Variants in APLP1 observed in about 807,000 individuals in gnomAD.
APLP1 encodes amyloid beta precursor like protein 1, also known as amyloid beta (A4) precursor-like protein 1.
A neutral mutation model predicts 84.5 loss-of-function variants in APLP1; 46 were observed. That is an observed-to-expected ratio of 0.54 (90% CI 0.43 to 0.70). The LOEUF is 0.70. Among genes scored for constraint, APLP1 ranks in the 30% least tolerant of loss-of-function variants. The pLI, the probability that APLP1 is intolerant of heterozygous loss-of-function variation, is 0.00. For synonymous variants in APLP1, 376 were observed against 364.0 expected (o/e 1.03, Z -0.38); for missense variants, 826 against 900.2 (o/e 0.92, Z 1.05).
intron 11 of APLP1, among the ~76,000 whole-genome samples, chr19:35,877,114 T>C (rs1305356806): frequency 6.6e-6 from 1 of 152,202 alleles, no homozygotes; most frequent in Non-Finnish European, 1.5e-5. Flanking sequence ...TACCGGAAAG[T>C]GTGACCTATT....
chr19:35,877,978 C>A, intron 12 of APLP1, 104 bp from the exon 13 acceptor site: 2 of 1,390,320 alleles, frequency 1.4e-6, no homozygotes, highest in South Asian at 1.3e-5. Context: ...TCTGTAGGAT[C>A]CCCAATCCTC....
rs751820034 is a variant in APLP1 at position 35,874,585 on chromosome 19, G to T, written c.1138G>T (p.Val380Phe). Residue 380 changes from valine to phenylalanine, a missense_variant, in exon 9 of 17, where the codon GTC (valine) becomes TTC (phenylalanine). Transcript: ENST00000221891. The surrounding 1 kb of genome is among the most constrained non-coding windows in gnomAD (Gnocchi z 6.4). ...QRLVETHATR[V>F]IALINDQRRA... ...CCTGGTGGAAACCCACGCCACCCGC[G>T]TCATCGCCCTTATCAACGACCAGCG... is the stretch of plus-strand genomic sequence containing the variant. 4 of 1,614,170 alleles carry T rather than the reference G, an allele frequency of 2.5e-6. No homozygotes were observed. Among genetic ancestry groups the T allele is most frequent in the Non-Finnish European group, 2.5e-6 (3 of 1,180,050 alleles).
chr19:35,878,614 A>G lies in APLP1; in HGVS notation c.1610A>G (p.Glu537Gly). Residue 537 changes from glutamate to glycine, a missense_variant, in exon 14 of 17, where the codon GAG becomes GGG. Glu to Gly is a moderately conservative substitution (Grantham distance 98, BLOSUM62 -2). Around this residue, in one of 3 missense-constraint regions of APLP1, gnomAD observed 433 missense variants for 496.5 expected, o/e 0.87. Coordinates refer to ENST00000221891, the MANE Select transcript of APLP1 (RefSeq NM_001024807.3). ...GSTEQDAASP[E>G]KEKMNPLEQY... ...ACAGAACAAGATGCTGCATCCCCTG[A>G]GAAAGAGAAGATGAACCCGCTGGAA... 6.2e-7 allele frequency: 1 copy of G among 1,614,012 alleles called. No individual in the cohort carries two copies. Among genetic ancestry groups the G allele is most frequent in the African/African-American group, 1.3e-5 (1 of 74,958 alleles).
chr19:35,877,965 G>C (rs1974323060), intron 12 of APLP1, 117 bp from the exon 13 acceptor site: 6 of 1,327,200 alleles, frequency 4.5e-6, no homozygotes, highest in Non-Finnish European at 6.3e-6. Context: ...GGTTGCAGGG[G>C]CCTCTGTAGG....
intron 10 of APLP1, among the ~76,000 whole-genome samples, chr19:35,875,757 A>G (rs528178156): frequency 1.4e-3 from 175 of 123,706 alleles, no homozygotes; most frequent in South Asian, 2.0e-3. Flanking sequence ...CACCATGCCC[A>G]GCCAGAAACC....
chr19:35,874,521 G>A lies in APLP1; in HGVS notation c.1074G>A (p.Leu358=). The A allele has an allele frequency of 6.2e-7, 1 of 1,614,194 alleles. No individual in the cohort carries two copies. ...QALNEHFQSI[L]QTLEEQVSGE... ...CTCCCCAGCACTTCCAGTCCATTCT[G>A]CAGACTCTGGAGGAGCAGGTGTCTG... Residue 358 remains leucine, a synonymous_variant, in exon 9 of 17, where the codon CTG becomes CTA. Transcript: ENST00000221891. This position sits in a 1 kb window ranked among gnomAD's most constrained non-coding sequence, Gnocchi z 6.4.
chr19:35,871,930 C>T lies in APLP1; in HGVS notation c.744C>T (p.Ser248=), dbSNP rs1251281659. ...EGAEDEEEEE[S]FPQPVDDYFV... ...CTGAGGACGAGGAAGAGGAGGAATC[C>T]TTCCCACAGCCAGTAGATGATTACT... Residue 248 remains serine (S), a synonymous_variant, in exon 6 of 17, where the codon TCC becomes TCT. Transcript: ENST00000221891. 5 of 1,614,162 alleles carry T rather than the reference C, an allele frequency of 3.1e-6. No individual in the cohort carries two copies. The highest frequency in any genetic ancestry group is 3.3e-4 in the Middle Eastern group (2 of 6,062).
intron 1 of APLP1, 161 bp from the exon 2 acceptor site, chr19:35,869,506 A>C: frequency 9.9e-7 from 1 of 1,007,916 alleles, no homozygotes; most frequent in Non-Finnish European, 1.5e-6. Flanking sequence ...CCCCCGCCCT[A>C]CGGGAGCTGT....
chr19:35,868,688 C>T lies in APLP1; in HGVS notation c.52C>T (p.Pro18Ser), dbSNP rs2146896809. The change falls in exon 1 of 17, where the codon CCG becomes TCG. Residue 18 changes from proline (P) to serine (S), a missense_variant. Physicochemically the swap from Pro to Ser is moderately conservative, Grantham distance 74. Transcript: ENST00000221891. This position sits in a 1 kb window ranked among gnomAD's most constrained non-coding sequence, Gnocchi z 5.2. ...CGGTCTAAGTCGCCGCCCGGGCCAGCCGCCGCTGCCGCTGCTGCTGCCACT... is the reference window on the plus strand; with the variant it reads ...CGGTCTAAGTCGCCGCCCGGGCCAGTCGCCGCTGCCGCTGCTGCTGCCACT... ...ARGLSRRPGQPPLPLLLPLLL... is the reference protein window; with the variant it reads ...ARGLSRRPGQSPLPLLLPLLL... 5 of 1,410,632 alleles carry T rather than the reference C, an allele frequency of 3.5e-6. No homozygotes were observed. The highest frequency in any genetic ancestry group is 6.1e-5 in the East Asian group (2 of 32,608). 87.4% of individuals were successfully genotyped at this position (1,410,632 alleles called of 1,614,324 possible). A position where few individuals can be genotyped will look rare whatever the true frequency, so the allele number is the denominator to read the frequency against.
At position 35,879,336 on chromosome 19, in the gene APLP1, G is replaced by T; in HGVS notation, c.1858-7G>T. ...ACACTGTCCTTTCCCTCCCCTGCTC[G>T]TTGCAGGTGGACCCCATGCTGACCC... On this transcript the variant is annotated splice_polypyrimidine_tract_variant and splice_region_variant and intron_variant, in intron 16 of 16. Transcript: ENST00000221891. The T allele has an allele frequency of 6.2e-7, 1 of 1,613,772 alleles. No homozygotes were observed. The highest frequency in any genetic ancestry group is 1.3e-5 in the African/African-American group (1 of 75,036).
In APLP1 at chr19:35,876,505, A is replaced by G; in HGVS notation, c.1345-12A>G. The G allele has an allele frequency of 6.2e-7, 1 of 1,610,194 alleles. No homozygotes were observed. On this transcript the variant is annotated splice_polypyrimidine_tract_variant and intron_variant, in intron 10 of 16. Coordinates refer to ENST00000221891, the MANE Select transcript of APLP1 (RefSeq NM_001024807.3). The stretch of plus-strand genomic sequence containing the variant: ...ATTGCGCAGTTCATCCTTCATGTCC[A>G]CTCACCCACAGGTGCATACCCACCT...
intron 1 of APLP1, 55 bp from the exon 2 acceptor site, chr19:35,869,612 G>T (rs1269073849): frequency 1.2e-6 from 2 of 1,601,530 alleles, no homozygotes; most frequent in Non-Finnish European, 8.5e-7. Context: ...AAGAACCAGG[G>T]GACCCTCATG....
intron 11 of APLP1, 74 bp downstream of exon 11, chr19:35,876,690 C>G: frequency 8.1e-7 from 1 of 1,229,218 alleles, no homozygotes; most frequent in Non-Finnish European, 1.1e-6. Flanking sequence ...TTGGGCCCCC[C>G]CAATTTCATT....
chr19:35,878,039 C>T, intron 12 of APLP1, 43 bp from the exon 13 acceptor site: 2 of 1,600,002 alleles, frequency 1.3e-6, no homozygotes, highest in Non-Finnish European at 1.7e-6. Context: ...CTGATACCCT[C>T]CTCTCTTCAC....
At position 35,870,947 on chromosome 19, in the gene APLP1, C is replaced by T; in HGVS notation, c.343C>T (p.Pro115Ser). 1 of 1,596,716 alleles carries T rather than the reference C, an allele frequency of 6.3e-7. No homozygotes were observed. The change falls in exon 3 of 17, where the codon CCC becomes TCC. Residue 115 changes from proline to serine, a missense_variant. Transcript: ENST00000221891. ...ARVEQATQAI[P>S]MERWCGGSRS... is the part of the protein sequence containing the mutation. ...TGTGGAGCAGGCTACGCAGGCCATC[C>T]CCATGGAGCGCTGGTGCGGGGGTTC...
chr19:35,874,404 A>G lies in APLP1; in HGVS notation c.1057-100A>G. 1 of 1,450,860 alleles carries G rather than the reference A, an allele frequency of 6.9e-7. No individual in the cohort carries two copies. Among genetic ancestry groups the G allele is most frequent in the Non-Finnish European group, 9.5e-7 (1 of 1,053,704 alleles). 89.9% of individuals were successfully genotyped at this position (1,450,860 alleles called of 1,614,324 possible). Reference sequence around the variant, plus strand: ...TTCTGCCCAGGCCTGGACCCCTGGAACGCCCCCCAACCCCATGTAGCCCTG... The same window carrying G: ...TTCTGCCCAGGCCTGGACCCCTGGAGCGCCCCCCAACCCCATGTAGCCCTG... On this transcript the variant is annotated intron_variant, in intron 8 of 16. Coordinates refer to ENST00000221891, the MANE Select transcript of APLP1 (RefSeq NM_001024807.3). The surrounding 1 kb of genome is among the most constrained non-coding windows in gnomAD (Gnocchi z 6.4).
At position 35,868,857 on chromosome 19, in the gene APLP1, C is replaced by A; in HGVS notation, c.147+74C>A. 1 of 1,220,854 alleles carries A rather than the reference C, an allele frequency of 8.2e-7. No homozygotes were observed. The highest frequency in any genetic ancestry group is 1.0e-6 in the Non-Finnish European group (1 of 967,194). The allele number at this position is 1,220,854 out of a possible 1,614,324, so 75.6% of individuals were successfully genotyped here. Reference sequence around the variant, plus strand: ...TCTCTGGACGCCGGCGCGGACATGTCCAGGGCAGAAAGCGCGGTCTTTCCA... The same window carrying A: ...TCTCTGGACGCCGGCGCGGACATGTACAGGGCAGAAAGCGCGGTCTTTCCA... On this transcript the variant is annotated intron_variant, in intron 1 of 16. Coordinates refer to ENST00000221891, the MANE Select transcript of APLP1 (RefSeq NM_001024807.3). The surrounding 1 kb of genome is among the most constrained non-coding windows in gnomAD (Gnocchi z 5.2).
At chr19:35,873,277 C>T (rs1269669343) in intron 7 of APLP1, among the ~76,000 whole-genome samples, 3 of 138,184 alleles carry the variant, frequency 2.2e-5, no homozygotes, top group African/African-American at 5.5e-5. Flanking sequence ...GACAGAGTTT[C>T]GCTCTGTTGC....
In APLP1 at chr19:35,874,782, G is replaced by T. The variant is rs2228998; in HGVS notation, c.1257G>T (p.Ala419=). 3.1e-3 allele frequency: 4,942 copies of T among 1,613,480 alleles called. 121 individuals are homozygous for T. The East Asian group carries it at 0.073, about 24-fold the overall frequency. The change falls in exon 10 of 17, where the codon GCG becomes GCT. Residue 419 remains alanine (A), a synonymous_variant. Transcript: ENST00000221891. The surrounding 1 kb of genome is among the most constrained non-coding windows in gnomAD (Gnocchi z 6.4). ...VLLALRRYLR[A]EQKEQRHTLR... is the part of the protein sequence containing the mutation. ...TGGCCCTGCGGCGCTACCTGCGTGC[G>T]GAGCAGAAGGAACAGAGGCACACGC...
Sources: allele counts gnomAD v4.1 joint callset (sites outside exome capture counted in the v4.1 genomes callset), GRCh38; gene constraint gnomAD v4.1.1; regional missense constraint gnomAD v4.1.1; non-coding constraint Gnocchi (gnomAD v3.1); transcripts MANE v1.5; gene names NCBI Gene and HGNC (gene_info 2026-07-23, HGNC 2026-07-21).